The following DCDC1 variants were observed in gnomAD, a reference collection of about 807,000 sequenced individuals.
DCDC1 encodes the protein doublecortin domain-containing protein 1.
In DCDC1, 200 loss-of-function variants were observed where a neutral mutation model predicts 178.3. The observed-to-expected ratio is 1.12, with a 90% CI of 1.00 to 1.26. The LOEUF is 1.26. Among genes scored for constraint, DCDC1 ranks in the 50% most tolerant of loss-of-function variants. The pLI is 0.00. For synonymous variants in DCDC1, 690 were observed against 604.8 expected, an observed-to-expected ratio of 1.14 and a Z score of -2.07; for missense variants, 1,983 against 1,749.2, an observed-to-expected ratio of 1.13 and a Z score of -2.38.
intron 20 of DCDC1, among the ~76,000 whole-genome samples, chr11:30,988,564 GCTTT>G (rs1311233754): frequency 6.6e-6 from 1 of 152,142 alleles, no homozygotes; most frequent in Non-Finnish European, 1.5e-5. Context: ...CAGCCTCCCA[GCTTT>G]CTTTCTGCTT....
intron 27 of DCDC1, among the ~76,000 whole-genome samples, chr11:30,915,049 C>T (rs1945738311): frequency 6.6e-6 from 1 of 152,104 alleles, no homozygotes; most frequent in African/African-American, 2.4e-5. Context: ...TTAGTTTATA[C>T]TGCGTGAGTG....
chr11:31,236,210 CT>C (rs1457917809), intron 9 of DCDC1, among the ~76,000 whole-genome samples: 20 of 152,000 alleles, frequency 1.3e-4, no homozygotes, highest in Admixed American at 1.2e-3. Context: ...CACTTCCCCC[CT>C]CTCTGTAATA....
intron 1 of DCDC1, among the ~76,000 whole-genome samples, chr11:31,363,365 T>C (rs534947367): frequency 6.6e-6 from 1 of 152,268 alleles, no homozygotes; most frequent in African/African-American, 2.4e-5. Context: ...CAAGAGTTAT[T>C]GCCTTATATT....
intron 9 of DCDC1, among the ~76,000 whole-genome samples, chr11:31,233,241 T>C (rs35166857): frequency 0.015 from 2,217 of 152,318 alleles, 30 homozygotes; most frequent in Non-Finnish European, 0.024. Context: ...TTCATGCTAG[T>C]CTTTCTTTTA....
intron 22 of DCDC1, 94 bp from the exon 23 acceptor site, chr11:30,925,502 T>C: frequency 9.4e-7 from 1 of 1,068,514 alleles, no homozygotes; most frequent in Non-Finnish European, 1.4e-6. Flanking sequence ...GAATCCATAA[T>C]GACAACTCTC....
At chr11:31,186,218 C>G (rs1020200842) in intron 9 of DCDC1, among the ~76,000 whole-genome samples, 2 of 152,124 alleles carry the variant, frequency 1.3e-5, no homozygotes, top group Non-Finnish European at 2.9e-5. Context: ...TCAGCCCTCT[C>G]CACTCTCTCC....
At chr11:30,983,885 T>C (rs1440446769) in intron 20 of DCDC1, among the ~76,000 whole-genome samples, 6 of 151,666 alleles carry the variant, frequency 4.0e-5, no homozygotes, top group Non-Finnish European at 8.8e-5. Flanking sequence ...CCACAGGGGG[T>C]AAAAATCTGG....
intron 32 of DCDC1, among the ~76,000 whole-genome samples, chr11:30,901,627 T>C (rs190639179): frequency 1.4e-4 from 21 of 152,240 alleles, no homozygotes; most frequent in African/African-American, 4.1e-4. Flanking sequence ...CTTTAGAATA[T>C]AGAGAGGAAG....
rs1009781452 is a variant in DCDC1 at position 31,178,699 on chromosome 11, CT to C, written c.1222-40916del. Reference sequence around the variant, plus strand: ...TAAAAAACAAAATAACGCAATTTTTCTTTTTTTTCCTGAGACGGAGTCTTGC... The same window carrying C: ...TAAAAAACAAAATAACGCAATTTTTCTTTTTTTCCTGAGACGGAGTCTTGC... On this transcript the variant is annotated intron_variant, in intron 9 of 38. Coordinates refer to ENST00000684477, the MANE Select transcript of DCDC1 (RefSeq NM_001387274.1). Among the ~76,000 whole-genome samples the C allele has an allele frequency of 4.6e-5, 7 of 151,874 alleles. No homozygotes were observed. In the South Asian group the frequency reaches 1.5e-3, roughly 32 times the overall value.
intron 6 of DCDC1, among the ~76,000 whole-genome samples, chr11:31,293,676 T>C (rs1373137477): frequency 6.6e-6 from 1 of 152,228 alleles, no homozygotes; most frequent in Non-Finnish European, 1.5e-5. Context: ...ATGTGATTTA[T>C]AGATACTACC....
chr11:31,079,322 C>T (rs1957042762), intron 17 of DCDC1, among the ~76,000 whole-genome samples: 1 of 152,182 alleles, frequency 6.6e-6, no homozygotes, highest in Non-Finnish European at 1.5e-5. Flanking sequence ...GGAACAGAAG[C>T]TCCTGTCCTC....
At chr11:31,306,019 T>C (rs1948432079) in intron 5 of DCDC1, among the ~76,000 whole-genome samples, 2 of 152,174 alleles carry the variant, frequency 1.3e-5, no homozygotes, top group Non-Finnish European at 2.9e-5. Flanking sequence ...CAAGGTATTG[T>C]AGAGTTTCAT....
At chr11:30,974,244 G>C (rs1949979398) in intron 20 of DCDC1, among the ~76,000 whole-genome samples, 1 of 150,124 alleles carries the variant, frequency 6.7e-6, no homozygotes, top group Admixed American at 6.6e-5. Flanking sequence ...AGTGCTAAGA[G>C]GGAAATTTAT....
At chr11:31,128,360 C>T (rs866435348) in intron 10 of DCDC1, among the ~76,000 whole-genome samples, 1 of 152,086 alleles carries the variant, frequency 6.6e-6, no homozygotes, top group African/African-American at 2.4e-5. Context: ...TTTAGACAGA[C>T]ATATGAGCCT....
chr11:30,959,641 G>A (rs1214542856), intron 20 of DCDC1, among the ~76,000 whole-genome samples: 1 of 152,130 alleles, frequency 6.6e-6, no homozygotes, highest in African/African-American at 2.4e-5. Context: ...GTCCCACAGG[G>A]CATGGGCTCT....
In DCDC1 at chr11:30,922,605, G is replaced by T; in HGVS notation, c.3031C>A (p.Pro1011Thr). ...TTTTGCTGAGCAATGGACAGGTCAG[G>T]ATTGATCCAGAGTTCTCCACATGAA... Reference protein sequence around the residue: ...YVSCGELWINPDLSIAQQKKQ... With the variant: ...YVSCGELWINTDLSIAQQKKQ... Residue 1011 changes from proline (P) to threonine (T), a missense_variant, in exon 24 of 39, where the codon CCT becomes ACT. By Grantham distance (38) the Pro-to-Thr change is conservative. Coordinates refer to ENST00000684477, the MANE Select transcript of DCDC1 (RefSeq NM_001387274.1). The T allele has an allele frequency of 6.4e-7, 1 of 1,574,184 alleles. No homozygotes were observed. The highest frequency in any genetic ancestry group is 8.6e-7 in the Non-Finnish European group (1 of 1,165,698).
chr11:31,138,986 TG>T (rs1273057698), intron 9 of DCDC1, among the ~76,000 whole-genome samples: 2 of 151,912 alleles, frequency 1.3e-5, no homozygotes, highest in Non-Finnish European at 2.9e-5. Context: ...AGTTGGGAAA[TG>T]TTTCTGTAAA....
chr11:31,106,152 T>C (rs1958829103), intron 13 of DCDC1, among the ~76,000 whole-genome samples: 1 of 152,200 alleles, frequency 6.6e-6, no homozygotes, highest in African/African-American at 2.4e-5. Context: ...TTTACCAATC[T>C]ACAAAAATTT....
intron 36 of DCDC1, among the ~76,000 whole-genome samples, chr11:30,885,704 A>C (rs998357804): frequency 7.2e-5 from 11 of 152,110 alleles, no homozygotes; most frequent in African/African-American, 2.4e-4. Context: ...TCATGTATAC[A>C]ACAGGTGGAT....
Sources: allele counts gnomAD v4.1 joint callset (sites outside exome capture counted in the v4.1 genomes callset), GRCh38; gene constraint gnomAD v4.1.1; transcripts MANE v1.5; gene names NCBI Gene and HGNC (gene_info 2026-07-23, HGNC 2026-07-21).